OXR1: variants seen among roughly 807,000 people sequenced by gnomAD.
The protein encoded by OXR1 is oxidation resistance protein 1.
In OXR1, 41 loss-of-function variants were observed where a neutral mutation model predicts 104.6. The observed-to-expected ratio is 0.39, with a 90% CI of 0.31 to 0.51. The LOEUF is 0.51. Among genes scored for constraint, OXR1 ranks in the 20% least tolerant of loss-of-function variants. OXR1 has a pLI of 0.77. For missense variants in OXR1, 955 were observed against 1,031.9 expected (o/e 0.93, Z 1.02); for synonymous variants, 348 against 348.4 (o/e 1.00, Z 0.01).
At chr8:106,582,038 A>AC (rs1229956904) in intron 3 of OXR1, among the ~76,000 whole-genome samples, 1 of 149,016 alleles carries the variant, frequency 6.7e-6, no homozygotes. Flanking sequence ...AAAAAAAAAA[A>AC]AAAAAACCTA....
At chr8:106,734,643 A>C (rs1208969942) in intron 11 of OXR1, among the ~76,000 whole-genome samples, 1 of 152,192 alleles carries the variant, frequency 6.6e-6, no homozygotes, top group Non-Finnish European at 1.5e-5. Context: ...GATTGGCAGC[A>C]ACTGTGAATT....
intron 1 of OXR1, among the ~76,000 whole-genome samples, chr8:106,344,933 G>A (rs565465204): frequency 6.6e-6 from 1 of 152,214 alleles, no homozygotes; most frequent in East Asian, 1.9e-4. Flanking sequence ...CTCAAAAGTT[G>A]TGTCAAGTGT....
At chr8:106,364,422 A>G (rs1216919789) in intron 2 of OXR1, among the ~76,000 whole-genome samples, 3 of 152,128 alleles carry the variant, frequency 2.0e-5, no homozygotes, top group Non-Finnish European at 4.4e-5. Context: ...TCTACTAAAA[A>G]TACAAAAAAT....
intron 3 of OXR1, among the ~76,000 whole-genome samples, chr8:106,653,058 A>G (rs1382796229): frequency 7.6e-6 from 1 of 131,808 alleles, no homozygotes; most frequent in Non-Finnish European, 1.6e-5. Flanking sequence ...ACTGACTGAC[A>G]CAAGGAGAAA....
rs141341350 is a variant in OXR1, at chr8:106,402,680, G to A, written c.23+43044G>A. 6.1e-3 allele frequency among the ~76,000 whole-genome samples: 927 copies of A among 152,236 alleles called. 14 individuals carry two copies. Among genetic ancestry groups the A allele is most frequent in the African/African-American group, 0.017 (711 of 41,556 alleles). On this transcript the variant is annotated intron_variant, in intron 2 of 16. Transcript: ENST00000517566. ...TTCTTTTCCTCAATGCAAGTTTACT[G>A]TAGTAAAAGGCTATAGGTCACTTTG...
At position 106,433,228 on chromosome 8, in the gene OXR1, G is replaced by A. The variant is rs1039510187; in HGVS notation, c.23+73592G>A. Among the ~76,000 whole-genome samples the A allele has an allele frequency of 9.9e-5, 15 of 152,120 alleles. 1 individual carries two copies. The highest frequency in any genetic ancestry group is 1.6e-4 in the Non-Finnish European group (11 of 68,030). ...TTGAATCATAGGGGGCCAAAGTTAG[G>A]TTTTCATAATGTCTTCTGTTCCTGG... On this transcript the variant is annotated intron_variant, in intron 2 of 16. Transcript: ENST00000517566.
chr8:106,658,323 G>C, intron 3 of OXR1: 2 of 1,043,876 alleles, frequency 1.9e-6, no homozygotes, highest in Non-Finnish European at 2.4e-6. Flanking sequence ...AACGTGGCCG[G>C]GGTGGCGGCC....
At chr8:106,410,468 G>T (rs1375943778) in intron 2 of OXR1, among the ~76,000 whole-genome samples, 1 of 152,114 alleles carries the variant, frequency 6.6e-6, no homozygotes, top group Non-Finnish European at 1.5e-5. Context: ...CAGTAAACCA[G>T]TTCATTAGTA....
chr8:106,689,231 G>A (rs557363106), intron 6 of OXR1, among the ~76,000 whole-genome samples: 2 of 152,178 alleles, frequency 1.3e-5, no homozygotes, highest in African/African-American at 4.8e-5. Flanking sequence ...TGTTTGCCAA[G>A]TATCATTGGC....
At chr8:106,694,670 T>TTA (rs1448787607) in intron 7 of OXR1, among the ~76,000 whole-genome samples, 14 of 108,862 alleles carry the variant, frequency 1.3e-4, no homozygotes, top group East Asian at 7.6e-4. Context: ...AAATATATGT[T>TTA]TATATATTTA....
At chr8:106,398,718 A>AG (rs577996667) in intron 2 of OXR1, among the ~76,000 whole-genome samples, 82 of 152,266 alleles carry the variant, frequency 5.4e-4, no homozygotes, top group Admixed American at 1.0e-3. Flanking sequence ...AATGTGTTCA[A>AG]GGGGGTTTGA....
intron 1 of OXR1, among the ~76,000 whole-genome samples, chr8:106,337,281 C>A (rs192260532): frequency 2.6e-5 from 4 of 152,130 alleles, no homozygotes; most frequent in African/African-American, 9.6e-5. Flanking sequence ...TATGGGCTTA[C>A]TGACTAAAAT....
chr8:106,407,817 G>A (rs760325495), intron 2 of OXR1, among the ~76,000 whole-genome samples: 1 of 152,138 alleles, frequency 6.6e-6, no homozygotes, highest in Non-Finnish European at 1.5e-5. Flanking sequence ...CATGGAGGAA[G>A]GGGTTTATTT....
At chr8:106,346,110 G>C (rs74501487) in intron 1 of OXR1, among the ~76,000 whole-genome samples, 55,343 of 150,544 alleles carry the variant, frequency 0.37, 10,393 homozygotes, top group Admixed American at 0.44. Context: ...CCCCCCTACC[G>C]CCGCCAGTGA....
chr8:106,477,752 A>G (rs890532061), intron 2 of OXR1, among the ~76,000 whole-genome samples: 5 of 151,980 alleles, frequency 3.3e-5, no homozygotes, highest in Admixed American at 6.6e-5. Flanking sequence ...CTCACAGTTC[A>G]AATCCATGTT....
intron 2 of OXR1, among the ~76,000 whole-genome samples, chr8:106,488,055 C>T (rs1047342858): frequency 2.7e-5 from 4 of 146,944 alleles, no homozygotes; most frequent in African/African-American, 1.0e-4. Flanking sequence ...TAAAAGTTTT[C>T]CTATTTCTCC....
chr8:106,434,635 G>T (rs1468069855), intron 2 of OXR1, among the ~76,000 whole-genome samples: 1 of 152,194 alleles, frequency 6.6e-6, no homozygotes, highest in African/African-American at 2.4e-5. Flanking sequence ...AGACAAAGAA[G>T]CTGAGTTCAC....
intron 1 of OXR1, among the ~76,000 whole-genome samples, chr8:106,298,431 T>G (rs1281542716): frequency 2.0e-5 from 3 of 152,078 alleles, no homozygotes; most frequent in Non-Finnish European, 4.4e-5. Flanking sequence ...GAAAAACCCG[T>G]CCCCATGATT....
At chr8:106,285,193 A>T (rs1188127740) in intron 1 of OXR1, among the ~76,000 whole-genome samples, 2 of 152,174 alleles carry the variant, frequency 1.3e-5, no homozygotes, top group African/African-American at 4.8e-5. Flanking sequence ...AGCAAACATG[A>T]GCCAAAGTCA....
Sources: gnomAD v4.1 joint callset for allele counts (sites outside exome capture counted in the v4.1 genomes callset) on GRCh38, gnomAD v4.1.1 for gene constraint, MANE v1.5 for transcripts, NCBI Gene and HGNC (gene_info 2026-07-23, HGNC 2026-07-21) for gene names.